The following EML4 variants were observed in gnomAD, a reference collection of about 807,000 sequenced individuals.
The protein encoded by EML4 is EMAP like 4, also known as echinoderm microtubule-associated protein-like 4.
A neutral mutation model predicts 129.0 loss-of-function variants in EML4; 72 were observed. The ratio of observed to expected loss-of-function variants is 0.56; its 90% CI spans 0.46 to 0.68. EML4 has a LOEUF of 0.68. Ranked by LOEUF, EML4 falls within the 30% of genes least tolerant of loss-of-function variation. The pLI is 0.00. For missense variants in EML4, 1,363 were observed against 1,190.6 expected (o/e 1.14, Z -2.13); for synonymous variants, 532 against 405.0 (o/e 1.31, Z -3.77).
chr2:42,187,808 G>A (rs1309323035), intron 1 of EML4, among the ~76,000 whole-genome samples: 2 of 152,070 alleles, frequency 1.3e-5, no homozygotes, highest in Non-Finnish European at 1.5e-5. Flanking sequence ...ACAGTCTTTA[G>A]AAGAGTGAAA....
chr2:42,257,711 T>A (rs1237181230), intron 3 of EML4, among the ~76,000 whole-genome samples: 2 of 151,966 alleles, frequency 1.3e-5, no homozygotes, highest in African/African-American at 4.8e-5. Context: ...GTGGCAGGTG[T>A]CTGTAGTCGC....
In EML4 at chr2:42,330,467, T is replaced by C; in HGVS notation, c.*260T>C. 1 of 556,512 alleles carries C rather than the reference T, an allele frequency of 1.8e-6. No individual in the cohort carries two copies. Among genetic ancestry groups the C allele is most frequent in the Non-Finnish European group, 3.2e-6 (1 of 307,728 alleles). 34.5% of individuals were successfully genotyped at this position (556,512 alleles called of 1,614,324 possible). A position where few individuals can be genotyped will look rare whatever the true frequency, so the allele number is the denominator to read the frequency against. ...TAATGATGTCTCACAAATTACTGTG[T>C]ACCTAAGTGGTGTGATGTAAATACT... On this transcript the variant is annotated 3_prime_UTR_variant, in exon 23 of 23. Transcript: ENST00000318522.
chr2:42,308,572 A>AC (rs373310886), intron 17 of EML4, among the ~76,000 whole-genome samples: 23 of 152,068 alleles, frequency 1.5e-4, no homozygotes, highest in African/African-American at 5.3e-4. Context: ...AATTCACATA[A>AC]CCCCCCCAAA....
chr2:42,323,927 G>A (rs192391278), intron 19 of EML4, among the ~76,000 whole-genome samples: 2,711 of 150,966 alleles, frequency 0.018, 81 homozygotes, highest in African/African-American at 0.062. Context: ...CTGGGTGAAC[G>A]AGTGAGACTC....
intron 2 of EML4, among the ~76,000 whole-genome samples, chr2:42,252,724 A>G (rs191146567): frequency 2.8e-4 from 42 of 152,222 alleles, no homozygotes; most frequent in Admixed American, 1.8e-3. Flanking sequence ...ACATACTGCA[A>G]TAGGATCCCA....
At chr2:42,272,516 C>T (rs186509543) in intron 6 of EML4, among the ~76,000 whole-genome samples, 5 of 152,182 alleles carry the variant, frequency 3.3e-5, no homozygotes, top group African/African-American at 4.8e-5. Context: ...CTCCTGACCT[C>T]GGGTGATCTG....
chr2:42,198,427 G>A (rs1319270517), intron 1 of EML4, among the ~76,000 whole-genome samples: 1 of 152,070 alleles, frequency 6.6e-6, no homozygotes, highest in Non-Finnish European at 1.5e-5. Flanking sequence ...GGGAGGGGCT[G>A]GGTGTGGTGG....
chr2:42,314,252 G>A (rs548163744), intron 17 of EML4, among the ~76,000 whole-genome samples: 26 of 151,996 alleles, frequency 1.7e-4, no homozygotes, highest in African/African-American at 5.3e-4. Flanking sequence ...CCAGCTACTC[G>A]AGAGACTGAG....
At chr2:42,180,119 A>G (rs763167797) in intron 1 of EML4, among the ~76,000 whole-genome samples, 1 of 152,238 alleles carries the variant, frequency 6.6e-6, no homozygotes, top group Non-Finnish European at 1.5e-5. Flanking sequence ...AAAAAATTGT[A>G]TGAACTTTGC....
chr2:42,292,956 A>G (rs998055710), intron 11 of EML4, among the ~76,000 whole-genome samples: 3 of 152,140 alleles, frequency 2.0e-5, no homozygotes, highest in African/African-American at 7.2e-5. Flanking sequence ...TTTAACTGTC[A>G]TGTAGTTTTG....
At position 42,330,850 on chromosome 2, in the gene EML4, G is replaced by A. The variant is rs553221424; in HGVS notation, c.*643G>A. The A allele has an allele frequency of 4.8e-4, 100 of 208,480 alleles. No individual in the cohort carries two copies. Among genetic ancestry groups the A allele is most frequent in the African/African-American group, 2.2e-3 (97 of 43,794 alleles). The allele number at this position is 208,480 out of a possible 1,614,324, so 12.9% of individuals were successfully genotyped here. Reference sequence around the variant, plus strand: ...TGCTGCCTTTTCTAAGTCATAATGAGGAACAGTCCCTTAATTTCTTGTGTG... The same window carrying A: ...TGCTGCCTTTTCTAAGTCATAATGAAGAACAGTCCCTTAATTTCTTGTGTG... On this transcript the variant is annotated 3_prime_UTR_variant, in exon 23 of 23. Coordinates refer to ENST00000318522, the MANE Select transcript of EML4 (RefSeq NM_019063.5).
chr2:42,234,329 T>C (rs1461885855), intron 1 of EML4, among the ~76,000 whole-genome samples: 1 of 152,206 alleles, frequency 6.6e-6, no homozygotes, highest in Non-Finnish European at 1.5e-5. Context: ...TTTGAAACTA[T>C]CTGGGAAGGT....
intron 1 of EML4, among the ~76,000 whole-genome samples, chr2:42,205,323 A>G (rs1020880506): frequency 1.3e-5 from 2 of 152,250 alleles, no homozygotes; most frequent in Non-Finnish European, 2.9e-5. Flanking sequence ...GTGTTGACAG[A>G]TCAACACTAA....
rs9309080 is a variant in EML4 at position 42,264,103 on chromosome 2, GTTTTTTTTTTTT to G, written c.642-588_642-577del. On this transcript the variant is annotated intron_variant, in intron 5 of 22. Transcript: ENST00000318522. ...AAGGCTCCCAACTCAAACAATACGT[GTTTTTTTTTTTT>G]TTTTTTTTTTTTTTGAGACAGTGTC... Among the ~76,000 whole-genome samples the G allele has an allele frequency of 7.9e-5, 8 of 100,778 alleles. 1 individual carries two copies. The highest frequency in any genetic ancestry group is 1.4e-4 in the Non-Finnish European group (7 of 51,222). The allele number at this position is 100,778 out of a possible 152,430, so 66.1% of individuals were successfully genotyped here.
chr2:42,187,555 G>A (rs1572846848), intron 1 of EML4, among the ~76,000 whole-genome samples: 1 of 152,102 alleles, frequency 6.6e-6, no homozygotes, highest in Non-Finnish European at 1.5e-5. Flanking sequence ...GTTGCTATTA[G>A]TTTTGGCTGT....
intron 4 of EML4, 122 bp downstream of exon 4, chr2:42,261,416 CCTT>C (rs1665727813): frequency 1.3e-6 from 1 of 789,372 alleles, no homozygotes; most frequent in African/African-American, 1.7e-5. Context: ...TTTATTTTTC[CCTT>C]CTTCATTGCT....
intron 14 of EML4, among the ~76,000 whole-genome samples, chr2:42,302,349 A>G (rs2103721439): frequency 1.3e-5 from 2 of 152,156 alleles, no homozygotes; most frequent in Middle Eastern, 6.8e-3. Context: ...TGTGGTGAGA[A>G]TATTTTTATA....
At chr2:42,176,852 G>A (rs1330175783) in intron 1 of EML4, among the ~76,000 whole-genome samples, 1 of 152,026 alleles carries the variant, frequency 6.6e-6, no homozygotes, top group Non-Finnish European at 1.5e-5. Flanking sequence ...GGAGTGCAGT[G>A]GTATGATCTC....
intron 6 of EML4, among the ~76,000 whole-genome samples, chr2:42,276,163 G>C (rs931361122): frequency 3.9e-5 from 6 of 151,986 alleles, no homozygotes; most frequent in Admixed American, 2.6e-4. Flanking sequence ...TAAAAGAAGA[G>C]GTTGCAAACT....
Sources: allele counts gnomAD v4.1 joint callset (sites outside exome capture counted in the v4.1 genomes callset), GRCh38; gene constraint gnomAD v4.1.1; transcripts MANE v1.5; gene names NCBI Gene and HGNC (gene_info 2026-07-23, HGNC 2026-07-21).